The following AGRN variants were observed in gnomAD, a reference collection of about 807,000 sequenced individuals.
AGRN encodes agrin proteoglycan.
Under a neutral mutation model 211.0 loss-of-function variants are expected in AGRN, and 106 were observed. The observed-to-expected ratio is 0.50, with a 90% CI of 0.43 to 0.59. The LOEUF (loss-of-function observed/expected upper bound fraction) is 0.59, where lower values mean the gene tolerates loss of function less well. Among genes scored for constraint, AGRN ranks in the 20% least tolerant of loss-of-function variants. The pLI is 0.00. For missense variants in AGRN, 3,040 were observed against 2,982.6 expected, an observed-to-expected ratio of 1.02 and a Z score of -0.45; for synonymous variants, 1,525 against 1,332.5, an observed-to-expected ratio of 1.14 and a Z score of -3.15.
chr1:1,045,272 G>T lies in AGRN; in HGVS notation c.2366G>T (p.Cys789Phe), dbSNP rs760257579. The T allele has an allele frequency of 1.2e-6, 2 of 1,611,564 alleles. No homozygotes were observed. The highest frequency in any genetic ancestry group is 1.7e-6 in the Non-Finnish European group (2 of 1,179,492). Residue 789 changes from cysteine to phenylalanine, a missense_variant, in exon 13 of 36, where the codon TGC becomes TTC. Cys to Phe is a radical substitution (Grantham distance 205, BLOSUM62 -2). Transcript: ENST00000379370. ...TAARGVGLAGCPSACQCNPHG... is the reference protein window; with the variant it reads ...TAARGVGLAGFPSACQCNPHG... ...GCCCGGGGCGTGGGCCTGGCTGGCTGCCCCAGTGAGTACCTGAGCTCAGCC... is the reference window on the plus strand; with the variant it reads ...GCCCGGGGCGTGGGCCTGGCTGGCTTCCCCAGTGAGTACCTGAGCTCAGCC...
rs1281373925 is a variant in AGRN at position 1,047,757 on chromosome 1, A to G, written c.3632-19A>G. 6.2e-7 allele frequency: 1 copy of G among 1,610,248 alleles called. No homozygotes were observed. Among genetic ancestry groups the G allele is most frequent in the South Asian group, 1.1e-5 (1 of 90,824 alleles). On this transcript the variant is annotated intron_variant, in intron 21 of 35. Coordinates refer to ENST00000379370, the MANE Select transcript of AGRN (RefSeq NM_198576.4). ...GGATGCCTGGGGCTCTGCCATGCTC[A>G]GAGCTCCCTCCTCCCCAGCCACAGC...
At chr1:1,036,227 G>A (rs1413034580) in intron 3 of AGRN, among the ~76,000 whole-genome samples, 4 of 152,152 alleles carry the variant, frequency 2.6e-5, no homozygotes, top group African/African-American at 7.2e-5. Flanking sequence ...AGATCGTCTC[G>A]GCCACTTTCC....
rs538127841 is a variant in AGRN at position 1,054,333 on chromosome 1, G to A, written c.5877-115G>A. The A allele has an allele frequency of 1.4e-4, 135 of 985,676 alleles. No individual in the cohort carries two copies. In the East Asian group the frequency reaches 3.1e-3, roughly 22 times the overall value. The allele number at this position is 985,676 out of a possible 1,614,324, so 61.1% of individuals were successfully genotyped here. ...TCCTTGCCCCCAGGGGTGATACCTCGGGGGTTCTCCAGGCTGAGGCACCTG... is the reference window on the plus strand; with the variant it reads ...TCCTTGCCCCCAGGGGTGATACCTCAGGGGTTCTCCAGGCTGAGGCACCTG... On this transcript the variant is annotated intron_variant, in intron 34 of 35. Coordinates refer to ENST00000379370, the MANE Select transcript of AGRN (RefSeq NM_198576.4).
rs367826204 is a variant in AGRN, at chr1:1,052,578, GTGTC to G, written c.5651+766_5651+769del. The G allele has an allele frequency of 5.9e-3, 1,199 of 204,798 alleles. 7 individuals are homozygous for G. Among genetic ancestry groups the G allele is most frequent in the African/African-American group, 9.9e-3 (421 of 42,708 alleles). 12.7% of individuals were successfully genotyped at this position (204,798 alleles called of 1,614,324 possible). A position where few individuals can be genotyped will look rare whatever the true frequency, so the allele number is the denominator to read the frequency against. ...GTATATGAGGGAGACACGCAGGTGTGTGTCTGAGTGTGTGCGCACATGGGTCCAT... is the reference window on the plus strand; with the variant it reads ...GTATATGAGGGAGACACGCAGGTGTGTGAGTGTGTGCGCACATGGGTCCAT... On this transcript the variant is annotated intron_variant, in intron 33 of 35. Transcript: ENST00000379370.
chr1:1,039,869 G>T (rs1570186969), intron 3 of AGRN, among the ~76,000 whole-genome samples: 1 of 151,972 alleles, frequency 6.6e-6, no homozygotes, highest in East Asian at 1.9e-4. Context: ...GCGATGGGAG[G>T]CTGCAGAAGG....
At position 1,022,182 on chromosome 1, in the gene AGRN, A is replaced by G; in HGVS notation, c.202-19A>G. The G allele has an allele frequency of 6.2e-7, 1 of 1,612,742 alleles. No individual in the cohort carries two copies. Among genetic ancestry groups the G allele is most frequent in the African/African-American group, 1.3e-5 (1 of 75,006 alleles). Reference sequence around the variant, plus strand: ...CCCCAGGAGAGGACTAATGACACCTACCGCCATGTCCACCCCAGGTTCGGG... The same window carrying G: ...CCCCAGGAGAGGACTAATGACACCTGCCGCCATGTCCACCCCAGGTTCGGG... On this transcript the variant is annotated intron_variant, in intron 1 of 35. Transcript: ENST00000379370.
At position 1,055,481 on chromosome 1, in the gene AGRN, G is replaced by A. The variant is rs374884633; in HGVS notation, c.*500G>A. ...TGACTTCCAAACAATGTTACTGCTG[G>A]GCACAGCTCTGCGTTGCTCCCGTGC... On this transcript the variant is annotated 3_prime_UTR_variant, in exon 36 of 36. Transcript: ENST00000379370. The A allele has an allele frequency of 1.8e-5, 5 of 274,108 alleles. No individual in the cohort carries two copies. In the South Asian group the frequency reaches 1.9e-4, roughly 11 times the overall value. 17.0% of individuals were successfully genotyped at this position (274,108 alleles called of 1,614,324 possible).
Position 1,049,719 on chromosome 1 carries a change from C to A in AGRN, c.4668C>A (p.Asn1556Lys). ...GECGDHPCLP[N>K]PCHGGAPCQN... ...GCGGGGACCACCCCTGCCTGCCCAA[C>A]CCCTGCCATGGCGGGGCCCCATGCC... The change falls in exon 26 of 36, where the codon AAC (asparagine) becomes AAA (lysine). Residue 1556 changes from asparagine (N) to lysine (K), a missense_variant. By Grantham distance (94) the Asn-to-Lys change is moderately conservative (BLOSUM62 0). Around this residue, in one of 3 missense-constraint regions of AGRN, gnomAD observed 1,537 missense variants for 1,505.0 expected, o/e 1.02. Transcript: ENST00000379370. 6.3e-7 allele frequency: 1 copy of A among 1,583,610 alleles called. No homozygotes were observed. Among genetic ancestry groups the A allele is most frequent in the East Asian group, 2.3e-5 (1 of 43,358 alleles).
At position 1,049,556 on chromosome 1, in the gene AGRN, C is replaced by A; in HGVS notation, c.4515-10C>A. The A allele has an allele frequency of 6.3e-7, 1 of 1,590,394 alleles. No homozygotes were observed. On this transcript the variant is annotated splice_polypyrimidine_tract_variant and intron_variant, in intron 25 of 35. Coordinates refer to ENST00000379370, the MANE Select transcript of AGRN (RefSeq NM_198576.4). ...CCTGAGCCCTGACCCGGTGTCCCTC[C>A]TGGTGGCAGGGCGCTGGAGCGGACC...
chr1:1,043,589 G>A lies in AGRN; in HGVS notation c.1655G>A (p.Arg552His), dbSNP rs576229011. Reference sequence around the variant, plus strand: ...GCCCTGTGCGAGGCCGAGACCGGGCGCTGCGTGTGCCCCTCTGAATGCGTG... The same window carrying A: ...GCCCTGTGCGAGGCCGAGACCGGGCACTGCGTGTGCCCCTCTGAATGCGTG... ...FGALCEAETGRCVCPSECVAL... is the reference protein window; with the variant it reads ...FGALCEAETGHCVCPSECVAL... The change falls in exon 9 of 36, where the codon CGC becomes CAC. Residue 552 changes from arginine (R) to histidine (H), a missense_variant. Transcript: ENST00000379370. 2.5e-6 allele frequency: 4 copies of A among 1,605,014 alleles called. No homozygotes were observed. Among genetic ancestry groups the A allele is most frequent in the South Asian group, 1.1e-5 (1 of 91,062 alleles).
chr1:1,022,123 C>T (rs1644419032), intron 1 of AGRN, 78 bp from the exon 2 acceptor site: 1 of 1,569,390 alleles, frequency 6.4e-7, no homozygotes, highest in Non-Finnish European at 8.7e-7. Flanking sequence ...TGGACATTTG[C>T]CCTAAACACC....
In AGRN at chr1:1,040,814, T is replaced by C. The variant is rs1644909519; in HGVS notation, c.661T>C (p.Cys221Arg). 5.9e-6 allele frequency: 9 copies of C among 1,537,588 alleles called. No homozygotes were observed. Among genetic ancestry groups the C allele is most frequent in the Non-Finnish European group, 7.8e-6 (9 of 1,147,666 alleles). Residue 221 changes from cysteine to arginine, a missense_variant, in exon 4 of 36, where the codon TGC (cysteine) becomes CGC (arginine). Cys to Arg is a radical substitution (Grantham distance 180). Transcript: ENST00000379370. ...GSDASTYSNE[C>R]ELQRAQCSQQ... ...GGACGCCTCCACCTACAGCAACGAA[T>C]GCGAGCTGCAGCGGGCGCAGTGCAG...
rs1452303767 is a variant in AGRN, at chr1:1,054,464, TC to T, written c.5896del (p.Leu1966CysfsTer9). On this transcript the variant is annotated frameshift_variant, in exon 35 of 36. Transcript: ENST00000379370. LOFTEE classifies it high-confidence loss of function. The stretch of plus-strand genomic sequence containing the variant: ...CACACCCAGGGAGCAGAGGGAAGGT[TC>T]CCTGCAGGTGGGCAATGAGGCCCCT... ...VVAHREQREGSLQVGNEAPVT... is the reference protein window; with the variant it reads ...VVAHREQREGXLQVGNEAPVT... 6.3e-7 allele frequency: 1 copy of T among 1,593,308 alleles called. No homozygotes were observed. Among genetic ancestry groups the T allele is most frequent in the Non-Finnish European group, 8.5e-7 (1 of 1,170,422 alleles).
At position 1,050,498 on chromosome 1, in the gene AGRN, A is replaced by T. The variant is rs918396342; in HGVS notation, c.5048A>T (p.Lys1683Met). 180 of 1,612,782 alleles carry T rather than the reference A, an allele frequency of 1.1e-4. No homozygotes were observed. Among genetic ancestry groups the T allele is most frequent in the Non-Finnish European group, 1.5e-4 (175 of 1,179,902 alleles). The change falls in exon 29 of 36, where the codon AAG becomes ATG. Residue 1683 changes from lysine to methionine, a missense_variant. Transcript: ENST00000379370. ...PSGLLLYNGQ[K>M]TDGKGDFVSL... is the part of the protein sequence containing the mutation. The stretch of plus-strand genomic sequence containing the variant: ...GGCCTCCTGCTCTACAACGGGCAGA[A>T]GACGGACGGCAAGGGGGACTTCGTG...
At position 1,020,379 on chromosome 1, in the gene AGRN, C is replaced by G; in HGVS notation, c.201+6C>G. 6.7e-7 allele frequency: 1 copy of G among 1,493,572 alleles called. No homozygotes were observed. Among genetic ancestry groups the G allele is most frequent in the Non-Finnish European group, 8.9e-7 (1 of 1,120,298 alleles). 92.5% of individuals were successfully genotyped at this position (1,493,572 alleles called of 1,614,324 possible). ...AGCACACGTACTCCTGCAAGGTGCG[C>G]CCACCCGGACCCCGGCCTCCCCTCG... On this transcript the variant is annotated splice_donor_region_variant and intron_variant, in intron 1 of 35. Coordinates refer to ENST00000379370, the MANE Select transcript of AGRN (RefSeq NM_198576.4).
At chr1:1,044,846 C>T (rs1003381184) in intron 12 of AGRN, among the ~76,000 whole-genome samples, 6 of 152,312 alleles carry the variant, frequency 3.9e-5, no homozygotes, top group Non-Finnish European at 7.4e-5. Context: ...TGGGTGAGAA[C>T]GCATGCTGAC....
At chr1:1,020,664 A>G (rs1191519057) in intron 1 of AGRN, among the ~76,000 whole-genome samples, 1 of 149,638 alleles carries the variant, frequency 6.7e-6, no homozygotes, top group East Asian at 2.0e-4. Context: ...CCGGCCGAGA[A>G]GGAGAGGGGC....
Position 1,022,458 on chromosome 1 carries a change from G to T in AGRN, c.459G>T (p.Val153=), listed in dbSNP as rs892523708. The change falls in exon 2 of 36, where the codon GTG becomes GTT. Residue 153 remains valine, a synonymous_variant. Transcript: ENST00000379370. ...ACCTGGAGGAGGTGGAGTTCTGTGT[G>T]GAAGGTGCGTGGTGGGGGGCTCGTG... ...LRNLEEVEFC[V]EDKPGTHFTP... 7 of 1,608,936 alleles carry T rather than the reference G, an allele frequency of 4.4e-6. No homozygotes were observed. In the Admixed American group the frequency reaches 8.3e-5, roughly 19 times the overall value.
rs529696135 is a variant in AGRN, at chr1:1,041,730, C to T, written c.1177+28C>T. ...GAGCGGCTCCCCCGGGGGAGGGCTC[C>T]GGCCAGTGCCAGGGTCGAGGTGGGC... On this transcript the variant is annotated intron_variant, in intron 6 of 35. Coordinates refer to ENST00000379370, the MANE Select transcript of AGRN (RefSeq NM_198576.4). The T allele has an allele frequency of 4.9e-5, 76 of 1,552,602 alleles. No individual in the cohort carries two copies. In the African/African-American group the frequency reaches 9.2e-4, roughly 19 times the overall value.
Sources: gnomAD v4.1 joint callset for allele counts (sites outside exome capture counted in the v4.1 genomes callset) on GRCh38, gnomAD v4.1.1 for gene constraint, gnomAD v4.1.1 regional missense constraint, MANE v1.5 for transcripts, NCBI Gene and HGNC (gene_info 2026-07-23, HGNC 2026-07-21) for gene names.